TERF2: variants seen among roughly 807,000 people sequenced by gnomAD.
TERF2 encodes the protein telomeric repeat binding factor 2, also known as telomeric repeat-binding factor 2.
TERF2 carries 16 observed loss-of-function variants against 56.1 expected under a neutral mutation model. The observed-to-expected ratio is 0.29, with a 90% CI of 0.19 to 0.43. The LOEUF is 0.43. TERF2 is among the 20% of genes least tolerant of loss of function. TERF2 has a pLI of 1.00. For synonymous variants in TERF2, 296 were observed against 282.1 expected (o/e 1.05, Z -0.50); for missense variants, 547 against 712.9 (o/e 0.77, Z 2.65).
At chr16:69,385,546 C>T in intron 1 of TERF2, 47 bp downstream of exon 1, 3 of 1,560,590 alleles carry the variant, frequency 1.9e-6, no homozygotes, top group African/African-American at 1.4e-5. Context: ...GTCCCCCGGA[C>T]CCCCTTCCCC....
At chr16:69,376,932 GGCTCACGTCTGTAATCCCA>G (rs1391813878) in intron 3 of TERF2, among the ~76,000 whole-genome samples, 1 of 151,622 alleles carries the variant, frequency 6.6e-6, no homozygotes, top group African/African-American at 2.4e-5. Flanking sequence ...TGGGTGCGAT[GGCTCACGTCTGTAATCCCA>G]GCACTCTGGG....
At chr16:69,365,284 A>G (rs2013298610) in intron 7 of TERF2, 1 of 152,232 alleles carries the variant, frequency 6.6e-6, no homozygotes, top group African/African-American at 2.4e-5. Context: ...AGCTATGCCC[A>G]TTTGCCAGCC....
At chr16:69,360,510 A>T (rs2013094869) in intron 8 of TERF2, among the ~76,000 whole-genome samples, 1 of 151,830 alleles carries the variant, frequency 6.6e-6, no homozygotes, top group African/African-American at 2.4e-5. Flanking sequence ...TCGAGATCAT[A>T]CTGGCCAACA....
intron 4 of TERF2, among the ~76,000 whole-genome samples, chr16:69,371,476 G>A (rs1597251481): frequency 1.4e-5 from 2 of 147,536 alleles, no homozygotes; most frequent in African/African-American, 2.5e-5. Flanking sequence ...ACTCCAGCCC[G>A]GGCAACAGAG....
At chr16:69,384,497 C>T (rs2014116634) in intron 3 of TERF2, 83 bp downstream of exon 3, 1 of 1,455,044 alleles carries the variant, frequency 6.9e-7, no homozygotes, top group South Asian at 1.4e-5. Flanking sequence ...TTCCTCTGCC[C>T]CACACAGTAA....
intron 8 of TERF2, among the ~76,000 whole-genome samples, chr16:69,360,215 C>T (rs1043219921): frequency 1.3e-5 from 2 of 151,272 alleles, no homozygotes; most frequent in Admixed American, 6.6e-5. Context: ...GGTGAAAACC[C>T]GACTACTAAA....
chr16:69,375,398 T>C (rs772472487), intron 3 of TERF2, among the ~76,000 whole-genome samples: 43 of 152,166 alleles, frequency 2.8e-4, no homozygotes, highest in South Asian at 6.2e-4. Flanking sequence ...ACATCCTCAC[T>C]AGTGCTTTTT....
rs143425892 is a variant in TERF2, at chr16:69,366,905, C to T, written c.1242G>A (p.Glu414=). 8.7e-6 allele frequency: 14 copies of T among 1,614,078 alleles called. No homozygotes were observed. Among genetic ancestry groups the T allele is most frequent in the Non-Finnish European group, 1.2e-5 (14 of 1,180,044 alleles). Residue 414 remains glutamate, a synonymous_variant, in exon 7 of 10, where the codon GAG becomes GAA. Coordinates refer to ENST00000254942, the MANE Select transcript of TERF2 (RefSeq NM_005652.5). ...LVLEEDSQST[E]PSAGLNSSQE... Reference sequence around the variant, plus strand: ...GGGAGGAGTTGAGGCCTGCGCTGGGCTCAGTACTCTGGCTGTCCTCCTCCA... The same window carrying T: ...GGGAGGAGTTGAGGCCTGCGCTGGGTTCAGTACTCTGGCTGTCCTCCTCCA...
intron 3 of TERF2, among the ~76,000 whole-genome samples, chr16:69,378,359 C>T (rs1179812391): frequency 6.6e-6 from 1 of 152,152 alleles, no homozygotes; most frequent in East Asian, 1.9e-4. Flanking sequence ...AAAAAGAGTT[C>T]TCCTCCTTCA....
At position 69,367,048 on chromosome 16, in the gene TERF2, C is replaced by G. The variant is rs547099756; in HGVS notation, c.1099G>C (p.Ala367Pro). The stretch of plus-strand genomic sequence containing the variant: ...TTTCTGGGTCTCTTGTTTTTGAGGG[C>G]TGGTGATGCTGGGAGAGCTTGAGTA... The part of the protein sequence containing the change: ...LPTQALPASP[A>P]LKNKRPRKDE... Residue 367 changes from alanine (A) to proline (P), a missense_variant, in exon 7 of 10, where the codon GCC (alanine) becomes CCC (proline). By Grantham distance (27) the Ala-to-Pro change is conservative (BLOSUM62 -1). Transcript: ENST00000254942. 1.2e-6 allele frequency: 2 copies of G among 1,614,202 alleles called. No homozygotes were observed. Among genetic ancestry groups the G allele is most frequent in the South Asian group, 1.1e-5 (1 of 91,082 alleles).
At position 69,380,787 on chromosome 16, in the gene TERF2, T is replaced by C. The variant is rs1370709097; in HGVS notation, c.606+3793A>G. Among the ~76,000 whole-genome samples the C allele has an allele frequency of 4.6e-5, 7 of 152,106 alleles. No homozygotes were observed. In the South Asian group the frequency reaches 8.3e-4, roughly 18 times the overall value. ...ACTGAGTTATGAAGATCTTCAAATA[T>C]TGACACATTCATTAATTTTTTTTTT... On this transcript the variant is annotated intron_variant, in intron 3 of 9. Transcript: ENST00000254942.
intron 3 of TERF2, among the ~76,000 whole-genome samples, chr16:69,379,022 T>C (rs1233115502): frequency 1.3e-5 from 2 of 152,218 alleles, no homozygotes; most frequent in Non-Finnish European, 2.9e-5. Context: ...GTATAGTTTC[T>C]TCTCTTACGT....
At chr16:69,359,093 CTATAT>C (rs1439229368) in intron 8 of TERF2, among the ~76,000 whole-genome samples, 1 of 152,192 alleles carries the variant, frequency 6.6e-6, no homozygotes, top group Non-Finnish European at 1.5e-5. Flanking sequence ...TTTTTCAGCT[CTATAT>C]ATAACCTAAT....
intron 6 of TERF2, 82 bp from the exon 7 acceptor site, chr16:69,367,281 A>G: frequency 6.8e-7 from 1 of 1,463,322 alleles, no homozygotes; most frequent in Non-Finnish European, 9.1e-7. Flanking sequence ...TTGAAGTTTG[A>G]AGCTTCAAAT....
At chr16:69,366,517 A>G in intron 7 of TERF2, 1 of 395,026 alleles carries the variant, frequency 2.5e-6, no homozygotes, top group Non-Finnish European at 4.5e-6. Context: ...TTAGAAGTCA[A>G]GACACTCAGA....
intron 3 of TERF2, among the ~76,000 whole-genome samples, chr16:69,377,402 A>G (rs1382979423): frequency 2.0e-5 from 3 of 151,840 alleles, no homozygotes; most frequent in Admixed American, 6.6e-5. Context: ...ATCTCAGCTC[A>G]CTGCAACCTC....
rs374294459 is a variant in TERF2, at chr16:69,359,515, G to A, written c.1426+1889C>T. ...TGCACCCCAGCCTGGGCAACAGAGC[G>A]AGACTCTGTCTCAAAAAAAAAAAAA... On this transcript the variant is annotated intron_variant, in intron 8 of 9. Transcript: ENST00000254942. Among the ~76,000 whole-genome samples the A allele has an allele frequency of 3.4e-3, 463 of 138,042 alleles. 3 individuals are homozygous for A. Among genetic ancestry groups the A allele is most frequent in the African/African-American group, 0.011 (405 of 36,860 alleles). 90.6% of individuals were successfully genotyped at this position (138,042 alleles called of 152,430 possible).
chr16:69,358,383 T>G (rs2013001029), intron 8 of TERF2, among the ~76,000 whole-genome samples: 1 of 152,204 alleles, frequency 6.6e-6, no homozygotes, highest in Non-Finnish European at 1.5e-5. Context: ...CCTGACCTAG[T>G]GATCCACCCA....
At chr16:69,379,251 G>A (rs2013908127) in intron 3 of TERF2, among the ~76,000 whole-genome samples, 1 of 152,158 alleles carries the variant, frequency 6.6e-6, no homozygotes, top group South Asian at 2.1e-4. Context: ...GCTGTTCTGG[G>A]AAGCAGCAAT....
Sources: allele counts gnomAD v4.1 joint callset (sites outside exome capture counted in the v4.1 genomes callset), GRCh38; gene constraint gnomAD v4.1.1; transcripts MANE v1.5; gene names NCBI Gene and HGNC (gene_info 2026-07-23, HGNC 2026-07-21).